The following RAPGEF6 variants were observed in gnomAD, a reference collection of about 807,000 sequenced individuals.
RAPGEF6 encodes Rap guanine nucleotide exchange factor 6.
Under a neutral mutation model 171.4 loss-of-function variants are expected in RAPGEF6, and 56 were observed. That is an observed-to-expected ratio of 0.33 (90% CI 0.26 to 0.41). The LOEUF is 0.41. Ranked by LOEUF, RAPGEF6 falls within the 10% of genes least tolerant of loss-of-function variation. The pLI is 1.00. For synonymous variants in RAPGEF6, 692 were observed against 650.1 expected (o/e 1.06, Z -0.98); for missense variants, 1,674 against 1,921.4 (o/e 0.87, Z 2.41).
chr5:131,586,064 C>A (rs565405507), intron 4 of RAPGEF6, among the ~76,000 whole-genome samples: 1 of 152,192 alleles, frequency 6.6e-6, no homozygotes, highest in Non-Finnish European at 1.5e-5. Flanking sequence ...TCAGCCTTGG[C>A]AAAATAAACT....
intron 17 of RAPGEF6, among the ~76,000 whole-genome samples, chr5:131,467,598 C>T (rs368746743): frequency 6.0e-4 from 92 of 152,292 alleles, no homozygotes; most frequent in African/African-American, 2.2e-3. Flanking sequence ...AAATGTTAAT[C>T]GCTTAGATGA....
chr5:131,551,232 G>C (rs937318661), intron 5 of RAPGEF6, among the ~76,000 whole-genome samples: 25 of 152,260 alleles, frequency 1.6e-4, no homozygotes, highest in Admixed American at 1.2e-3. Flanking sequence ...TTAATTCACA[G>C]GCTGGGCAGG....
intron 19 of RAPGEF6, 47 bp from the exon 20 acceptor site, chr5:131,456,059 G>C (rs1000943151): frequency 1.4e-5 from 21 of 1,497,286 alleles, no homozygotes; most frequent in Non-Finnish European, 1.8e-5. Flanking sequence ...TTGGGGAAAG[G>C]GGTGGACTCA....
At chr5:131,548,700 A>G (rs1166512449) in intron 5 of RAPGEF6, among the ~76,000 whole-genome samples, 1 of 152,200 alleles carries the variant, frequency 6.6e-6, no homozygotes, top group East Asian at 1.9e-4. Flanking sequence ...GAAAATTAAC[A>G]TTTGTTAGGA....
At position 131,424,343 on chromosome 5, in the gene RAPGEF6, A is replaced by G. The variant is rs1349391307; in HGVS notation, c.*2923T>C. On this transcript the variant is annotated 3_prime_UTR_variant, in exon 28 of 28. Coordinates refer to ENST00000509018, the MANE Select transcript of RAPGEF6 (RefSeq NM_016340.6). ...TTTAAATTTGAACATGTACTGTGAC[A>G]CTTTTGACACTTTTCTGAAGATTTA... 6.6e-6 allele frequency: 1 copy of G among 152,368 alleles called. No individual in the cohort carries two copies. The highest frequency in any genetic ancestry group is 1.5e-5 in the Non-Finnish European group (1 of 68,034). 9.4% of individuals were successfully genotyped at this position (152,368 alleles called of 1,614,324 possible).
At chr5:131,585,103 A>G (rs1763167810) in intron 4 of RAPGEF6, among the ~76,000 whole-genome samples, 1 of 152,194 alleles carries the variant, frequency 6.6e-6, no homozygotes, top group Non-Finnish European at 1.5e-5. Context: ...AAACTGGCAC[A>G]CACATATGTG....
At chr5:131,576,238 C>A (rs1355498775) in intron 4 of RAPGEF6, among the ~76,000 whole-genome samples, 1 of 152,152 alleles carries the variant, frequency 6.6e-6, no homozygotes, top group Non-Finnish European at 1.5e-5. Flanking sequence ...TTCTTCAAGG[C>A]CCAATCGTTA....
chr5:131,486,083 C>G (rs1280341338), intron 15 of RAPGEF6, among the ~76,000 whole-genome samples: 2 of 152,220 alleles, frequency 1.3e-5, no homozygotes, highest in East Asian at 3.8e-4. Flanking sequence ...CCTAGATGGT[C>G]AGTTAGGTAC....
intron 4 of RAPGEF6, among the ~76,000 whole-genome samples, chr5:131,580,368 T>C (rs1041686120): frequency 6.6e-6 from 1 of 152,112 alleles, no homozygotes; most frequent in Non-Finnish European, 1.5e-5. Flanking sequence ...GAACTTGTGC[T>C]GGCCGCACGA....
At position 131,592,075 on chromosome 5, in the gene RAPGEF6, C is replaced by T. The variant is rs557192415; in HGVS notation, c.281+308G>A. On this transcript the variant is annotated intron_variant, in intron 4 of 27. Transcript: ENST00000509018. ...TTCTCCACATTGGTCAGACTAGTCTCGAACTCCCGACCTCAGGTGATCCGC... is the reference window on the plus strand; with the variant it reads ...TTCTCCACATTGGTCAGACTAGTCTTGAACTCCCGACCTCAGGTGATCCGC... Among the ~76,000 whole-genome samples, 52 of 152,212 alleles carry T rather than the reference C, an allele frequency of 3.4e-4. No individual in the cohort carries two copies. The South Asian group carries it at 6.2e-3, about 18-fold the overall frequency.
intron 16 of RAPGEF6, 65 bp from the exon 17 acceptor site, chr5:131,472,809 T>C: frequency 7.0e-7 from 1 of 1,420,008 alleles, no homozygotes; most frequent in Non-Finnish European, 9.8e-7. Flanking sequence ...AACGTTTCTG[T>C]TCCCTGTGCA....
intron 3 of RAPGEF6, among the ~76,000 whole-genome samples, chr5:131,600,646 G>C (rs1197928975): frequency 3.3e-5 from 5 of 149,380 alleles, no homozygotes; most frequent in African/African-American, 1.2e-4. Context: ...AGGGAGCGAA[G>C]GAAGGAAGGA....
intron 4 of RAPGEF6, among the ~76,000 whole-genome samples, chr5:131,582,757 C>T (rs925106500): frequency 3.9e-5 from 6 of 152,000 alleles, no homozygotes; most frequent in Non-Finnish European, 7.4e-5. Context: ...TTTTGAAGCA[C>T]AAAATAAGAA....
At chr5:131,432,836 A>G (rs1006280742) in intron 25 of RAPGEF6, among the ~76,000 whole-genome samples, 2 of 152,216 alleles carry the variant, frequency 1.3e-5, no homozygotes, top group Admixed American at 6.5e-5. Flanking sequence ...ATCTTTATAA[A>G]TGTGGTAATA....
At chr5:131,542,162 T>G (rs964618553) in intron 6 of RAPGEF6, among the ~76,000 whole-genome samples, 1 of 152,224 alleles carries the variant, frequency 6.6e-6, no homozygotes, top group Non-Finnish European at 1.5e-5. Context: ...TTGTTCTGAT[T>G]CTTTAGCTTA....
chr5:131,435,895 T>C (rs1296925798), intron 24 of RAPGEF6: 7 of 1,475,878 alleles, frequency 4.7e-6, no homozygotes, highest in African/African-American at 1.4e-5. Flanking sequence ...ATTTAAGCCA[T>C]GTATACATTA....
intron 14 of RAPGEF6, 101 bp from the exon 15 acceptor site, chr5:131,489,755 A>C: frequency 1.7e-6 from 1 of 601,716 alleles, no homozygotes; most frequent in Non-Finnish European, 2.8e-6. Flanking sequence ...AACTTGAATA[A>C]AATGTACTCC....
At chr5:131,561,566 A>G (rs1199780175) in intron 5 of RAPGEF6, among the ~76,000 whole-genome samples, 1 of 151,452 alleles carries the variant, frequency 6.6e-6, no homozygotes, top group Non-Finnish European at 1.5e-5. Flanking sequence ...AGGCTAGGGC[A>G]GGAAAACTGC....
Position 131,433,567 on chromosome 5 carries a change from A to C in RAPGEF6, c.3837T>G (p.Cys1279Trp). Residue 1279 changes from cysteine (C) to tryptophan (W), a missense_variant, in exon 25 of 28, where the codon TGT (cysteine) becomes TGG (tryptophan). Physicochemically the swap from Cys to Trp is radical, Grantham distance 215 (BLOSUM62 -2). Coordinates refer to ENST00000509018, the MANE Select transcript of RAPGEF6 (RefSeq NM_016340.6). Reference sequence around the variant, plus strand: ...GAGCTGCAGACATGGAGTCAACAGAACAATTGCTCACGATGCTGGACCGTG... The same window carrying C: ...GAGCTGCAGACATGGAGTCAACAGACCAATTGCTCACGATGCTGGACCGTG... ...ISSRSSIVSNCSVDSMSAALQ... is the reference protein window; with the variant it reads ...ISSRSSIVSNWSVDSMSAALQ... 1.2e-6 allele frequency: 2 copies of C among 1,613,728 alleles called. No homozygotes were observed. Among genetic ancestry groups the C allele is most frequent in the Non-Finnish European group, 1.7e-6 (2 of 1,179,618 alleles).
Sources: gnomAD v4.1 joint callset for allele counts (sites outside exome capture counted in the v4.1 genomes callset) on GRCh38, gnomAD v4.1.1 for gene constraint, MANE v1.5 for transcripts, NCBI Gene and HGNC (gene_info 2026-07-23, HGNC 2026-07-21) for gene names.